The following EMX1 variants were observed in gnomAD, a reference collection of about 807,000 sequenced individuals.
EMX1 encodes empty spiracles homeobox 1, also known as homeobox protein EMX1.
A neutral mutation model predicts 20.1 loss-of-function variants in EMX1; 10 were observed. The observed-to-expected ratio is 0.50, with a 90% confidence interval of 0.31 to 0.84. The LOEUF is 0.84. EMX1 is among the 40% of genes least tolerant of loss of function. EMX1 has a pLI of 0.05. For synonymous variants in EMX1, 250 were observed against 200.4 expected (o/e 1.25, Z -2.09); for missense variants, 424 against 431.9 (o/e 0.98, Z 0.16).
At chr2:72,920,732 T>TCGC (rs1671086463) in intron 1 of EMX1, among the ~76,000 whole-genome samples, 1 of 152,112 alleles carries the variant, frequency 6.6e-6, no homozygotes, top group African/African-American at 2.4e-5. Context: ...ACCGAGGCGC[T>TCGC]GGAAGGGGAA....
At position 72,917,846 on chromosome 2, in the gene EMX1, G is replaced by C. The variant is rs1349034470; in HGVS notation, c.-7G>C. On this transcript the variant is annotated 5_prime_UTR_variant, in exon 1 of 3. Transcript: ENST00000258106. ...GCGGGGGAGGTGAGGGGTGCGGGCG[G>C]GTGTGCATGTGCCTGGCTGGGTGCA... 7.0e-7 allele frequency: 1 copy of C among 1,424,182 alleles called. No homozygotes were observed. Among genetic ancestry groups the C allele is most frequent in the Admixed American group, 2.8e-5 (1 of 35,740 alleles). 88.2% of individuals were successfully genotyped at this position (1,424,182 alleles called of 1,614,324 possible).
upstream of EMX1, chr2:72,916,763 T>C: frequency 1.4e-6 from 1 of 717,320 alleles, no homozygotes. Flanking sequence ...CCGCCGACAC[T>C]TGAGCCCCCA....
intron 2 of EMX1, among the ~76,000 whole-genome samples, chr2:72,928,783 T>C (rs1671242478): frequency 1.3e-5 from 2 of 152,100 alleles, no homozygotes; most frequent in African/African-American, 2.4e-5. Context: ...AGGGTCCCCT[T>C]TGAGGTCACA....
At chr2:72,916,910 G>C, upstream of EMX1, 1 of 717,368 alleles carries the variant, frequency 1.4e-6, no homozygotes, top group Non-Finnish European at 2.6e-6. Context: ...CAGTGGGACC[G>C]CTCCGGCGGC....
At chr2:72,916,965 G>C (rs754893038), upstream of EMX1, 5 of 716,550 alleles carry the variant, frequency 7.0e-6, no homozygotes, top group African/African-American at 3.5e-5. Context: ...AAGGGAGTGA[G>C]CGTCCCCTTT....
intron 1 of EMX1, among the ~76,000 whole-genome samples, chr2:72,920,489 C>T (rs901032936): frequency 3.9e-5 from 6 of 152,206 alleles, no homozygotes; most frequent in African/African-American, 1.4e-4. Flanking sequence ...GGATGCGCTC[C>T]CCGGCGGCTC....
Position 72,924,268 on chromosome 2 carries a change from G to C in EMX1, c.521-41G>C, listed in dbSNP as rs752170104. 20 of 1,546,852 alleles carry C rather than the reference G, an allele frequency of 1.3e-5. No homozygotes were observed. The African/African-American group carries it at 1.6e-4, about 13-fold the overall frequency. On this transcript the variant is annotated intron_variant, in intron 1 of 2. Coordinates refer to ENST00000258106, the MANE Select transcript of EMX1 (RefSeq NM_004097.3). ...CCGGCTCACGGCGCCCCTTCTCTCT[G>C]TCTGTACCTGCGTGTGTTGCCGTCG...
intron 1 of EMX1, among the ~76,000 whole-genome samples, chr2:72,919,516 T>G (rs982816693): frequency 2.0e-5 from 3 of 152,222 alleles, no homozygotes; most frequent in African/African-American, 7.2e-5. Context: ...TGTGACGGTC[T>G]GTAGTCTAGG....
rs1343493365 is a variant in EMX1, at chr2:72,930,007, C to A, written c.706-3780C>A. On this transcript the variant is annotated intron_variant, in intron 2 of 2. Coordinates refer to ENST00000258106, the MANE Select transcript of EMX1 (RefSeq NM_004097.3). This position sits in a 1 kb window ranked among gnomAD's most constrained non-coding sequence, Gnocchi z 4.4. ...ATGTGGAATATTAAAAACTGGCCCT[C>A]TTGCAAAAGTGTCCACAAAACTAAG... Among the ~76,000 whole-genome samples the A allele has an allele frequency of 6.6e-6, 1 of 152,238 alleles. No homozygotes were observed. The highest frequency in any genetic ancestry group is 1.5e-5 in the Non-Finnish European group (1 of 68,042).
chr2:72,933,809 G>A lies in EMX1; in HGVS notation c.728G>A (p.Arg243Gln). The stretch of plus-strand genomic sequence containing the variant: ...CAGGTGAAGGTGTGGTTCCAGAACC[G>A]GAGGACAAAGTACAAACGGCAGAAG... ...ETQVKVWFQN[R>Q]RTKYKRQKLE... Residue 243 changes from arginine to glutamine, a missense_variant, in exon 3 of 3, where the codon CGG becomes CAG. Coordinates refer to ENST00000258106, the MANE Select transcript of EMX1 (RefSeq NM_004097.3). The A allele has an allele frequency of 6.2e-7, 1 of 1,614,216 alleles. No homozygotes were observed. Among genetic ancestry groups the A allele is most frequent in the Non-Finnish European group, 8.5e-7 (1 of 1,180,028 alleles).
At position 72,918,393 on chromosome 2, in the gene EMX1, C is replaced by G; in HGVS notation, c.520+21C>G. On this transcript the variant is annotated intron_variant, in intron 1 of 2. Transcript: ENST00000258106. ...CCAGGGTGAGTGTCCACGCTGTGCCCGCCGAGGCGGCCGGCCGGCGCCCGT... is the reference window on the plus strand; with the variant it reads ...CCAGGGTGAGTGTCCACGCTGTGCCGGCCGAGGCGGCCGGCCGGCGCCCGT... 5 of 1,361,150 alleles carry G rather than the reference C, an allele frequency of 3.7e-6. No individual in the cohort carries two copies. The South Asian group carries it at 7.0e-5, about 19-fold the overall frequency. 84.3% of individuals were successfully genotyped at this position (1,361,150 alleles called of 1,614,324 possible).
At chr2:72,916,559 T>A (rs1407078136), upstream of EMX1, 5 of 613,008 alleles carry the variant, frequency 8.2e-6, no homozygotes, top group African/African-American at 1.8e-5. Flanking sequence ...GGGGAATTCG[T>A]CCGCCGTACG....
Position 72,934,156 on chromosome 2 carries a change from T to C in EMX1, c.*202T>C. 2.7e-6 allele frequency: 2 copies of C among 731,420 alleles called. No individual in the cohort carries two copies. The highest frequency in any genetic ancestry group is 2.2e-5 in the South Asian group (1 of 44,468). The allele number at this position is 731,420 out of a possible 1,614,324, so 45.3% of individuals were successfully genotyped here. A position where few individuals can be genotyped will look rare whatever the true frequency, so the allele number is the denominator to read the frequency against. On this transcript the variant is annotated 3_prime_UTR_variant, in exon 3 of 3. Transcript: ENST00000258106. Reference sequence around the variant, plus strand: ...GGCTGAGGCCTGGGACCACTTGGCCTTCTCCTCGGAGAGCCTGCCTGCCTG... The same window carrying C: ...GGCTGAGGCCTGGGACCACTTGGCCCTCTCCTCGGAGAGCCTGCCTGCCTG...
chr2:72,917,908 TC>T lies in EMX1; in HGVS notation c.60del (p.Arg21GlufsTer25), dbSNP rs1162823017. ...GCGGCGGCGCCAGGACGCGGAGCGC[TC>T]CCCAGAGCCCGGCTGCCTCGCACAG... ...RKAAAPGRGA[L>X]PRARLPRTAP... is the part of the protein sequence containing the mutation. On this transcript the variant is annotated frameshift_variant, in exon 1 of 3. Transcript: ENST00000258106. LOFTEE classifies it high-confidence loss of function. 1 of 1,482,102 alleles carries T rather than the reference TC, an allele frequency of 6.7e-7. No homozygotes were observed. 91.8% of individuals were successfully genotyped at this position (1,482,102 alleles called of 1,614,324 possible). A position where few individuals can be genotyped will look rare whatever the true frequency, so the allele number is the denominator to read the frequency against.
chr2:72,931,490 G>A (rs1182686096), intron 2 of EMX1, among the ~76,000 whole-genome samples: 2 of 152,160 alleles, frequency 1.3e-5, no homozygotes, highest in African/African-American at 2.4e-5. Context: ...CGCACAGGAG[G>A]CAGGGTGAGC....
intron 2 of EMX1, among the ~76,000 whole-genome samples, chr2:72,929,085 A>C (rs1671245730): frequency 1.3e-5 from 2 of 152,116 alleles, no homozygotes; most frequent in African/African-American, 2.4e-5. Context: ...AGAGGGATGG[A>C]TAAGAGGGGG....
chr2:72,931,299 A>G (rs1249390166), intron 2 of EMX1, among the ~76,000 whole-genome samples: 2 of 152,246 alleles, frequency 1.3e-5, no homozygotes, highest in Non-Finnish European at 2.9e-5. Flanking sequence ...GTCCCACTAC[A>G]GGCCAATGTG....
Position 72,918,178 on chromosome 2 carries a change from G to A in EMX1, c.326G>A (p.Arg109His). Residue 109 changes from arginine (R) to histidine (H), a missense_variant, in exon 1 of 3, where the codon CGC becomes CAC. Arg to His is a conservative substitution (Grantham distance 29). Transcript: ENST00000258106. ...FPAAAAAGAG[R>H]SLYGGPELVF... is the part of the protein sequence containing the mutation. ...GCCGCGGCCGCCGCGGGCGCGGGCC[G>A]CTCGCTCTACGGTGGGCCCGAGCTC... is the stretch of plus-strand genomic sequence containing the variant. 3 of 1,524,002 alleles carry A rather than the reference G, an allele frequency of 2.0e-6. No individual in the cohort carries two copies. The highest frequency in any genetic ancestry group is 1.4e-5 in the African/African-American group (1 of 69,100). 94.4% of individuals were successfully genotyped at this position (1,524,002 alleles called of 1,614,324 possible).
Position 72,917,968 on chromosome 2 carries a change from C to G in EMX1, c.116C>G (p.Ala39Gly). The change falls in exon 1 of 3, where the codon GCC becomes GGC. Residue 39 changes from alanine (A) to glycine (G), a missense_variant. This residue lies in a region of EMX1 where 333 missense variants were observed against 296.6 expected (regional missense o/e 1.12). Coordinates refer to ENST00000258106, the MANE Select transcript of EMX1 (RefSeq NM_004097.3). ...GCTGCGACCATGTTCCAGCCCGCGG[C>G]CAAGCGCGGCTTTACCATAGAGTCC... is the stretch of plus-strand genomic sequence containing the variant. ...PAAATMFQPA[A>G]KRGFTIESLV... is the part of the protein sequence containing the mutation. 1 of 1,487,756 alleles carries G rather than the reference C, an allele frequency of 6.7e-7. No homozygotes were observed. The highest frequency in any genetic ancestry group is 8.9e-7 in the Non-Finnish European group (1 of 1,126,558). The allele number at this position is 1,487,756 out of a possible 1,614,324, so 92.2% of individuals were successfully genotyped here.
Sources: gnomAD v4.1 joint callset for allele counts (sites outside exome capture counted in the v4.1 genomes callset) on GRCh38, gnomAD v4.1.1 for gene constraint, gnomAD v4.1.1 regional missense constraint, Gnocchi (gnomAD v3.1) non-coding constraint, MANE v1.5 for transcripts, NCBI Gene and HGNC (gene_info 2026-07-23, HGNC 2026-07-21) for gene names.